EEA1: variants seen among roughly 807,000 people sequenced by gnomAD.
EEA1 encodes early endosome antigen 1.
Under a neutral mutation model 209.2 loss-of-function variants are expected in EEA1, and 111 were observed. The ratio of observed to expected loss-of-function variants is 0.53; its 90% CI spans 0.45 to 0.62. The LOEUF is 0.62. Among genes scored for constraint, EEA1 ranks in the 20% least tolerant of loss-of-function variants. EEA1 has a pLI of 0.00. For missense variants in EEA1, 1,343 were observed against 1,530.8 expected (o/e 0.88, Z 2.05); for synonymous variants, 536 against 540.6 (o/e 0.99, Z 0.12).
At chr12:92,844,500 A>C (rs926908022) in intron 9 of EEA1, among the ~76,000 whole-genome samples, 1 of 152,138 alleles carries the variant, frequency 6.6e-6, no homozygotes, top group Non-Finnish European at 1.5e-5. Context: ...AAAATGTTGA[A>C]ATATTCATGT....
intron 23 of EEA1, among the ~76,000 whole-genome samples, chr12:92,781,732 A>AAGC (rs397814414): frequency 2.6e-5 from 4 of 151,288 alleles, no homozygotes; most frequent in Non-Finnish European, 5.9e-5. Flanking sequence ...AAAACTAAAG[A>AAGC]GCAGTAAGAA....
chr12:92,799,549 G>C (rs1874808901), intron 20 of EEA1, among the ~76,000 whole-genome samples: 1 of 152,176 alleles, frequency 6.6e-6, no homozygotes, highest in Non-Finnish European at 1.5e-5. Context: ...CACTTTGGGA[G>C]GCTGAGGCGG....
Position 92,857,184 on chromosome 12 carries a change from G to T in EEA1, c.366+91C>A, listed in dbSNP as rs368178953. On this transcript the variant is annotated intron_variant, in intron 5 of 28. Transcript: ENST00000322349. ...ATTAGGAAGTTATTTATATCAGGCC[G>T]CCACCTGCTTGCAAAAAGGTATTAA... 1.4e-5 allele frequency: 13 copies of T among 896,942 alleles called. No individual in the cohort carries two copies. The East Asian group carries it at 1.7e-4, about 12-fold the overall frequency. The allele number at this position is 896,942 out of a possible 1,614,324, so 55.6% of individuals were successfully genotyped here.
At chr12:92,863,820 A>T (rs892339838) in intron 3 of EEA1, among the ~76,000 whole-genome samples, 3 of 152,348 alleles carry the variant, frequency 2.0e-5, no homozygotes, top group Non-Finnish European at 4.4e-5. Context: ...CTAAATGAAA[A>T]GTTAAGAAGA....
intron 1 of EEA1, among the ~76,000 whole-genome samples, chr12:92,910,482 T>A (rs866799611): frequency 1.8e-4 from 27 of 150,326 alleles, no homozygotes; most frequent in Non-Finnish European, 2.5e-4. Context: ...AAAAAATAAA[T>A]AAATAAACTC....
chr12:92,865,774 C>G (rs1161688335), intron 2 of EEA1, among the ~76,000 whole-genome samples: 5 of 149,644 alleles, frequency 3.3e-5, no homozygotes, highest in Admixed American at 2.7e-4. Flanking sequence ...GAGAATGAGT[C>G]TCGCTCCGTC....
chr12:92,815,470 C>T (rs934818389), intron 15 of EEA1, among the ~76,000 whole-genome samples: 1 of 152,166 alleles, frequency 6.6e-6, no homozygotes. Flanking sequence ...AATGTATATT[C>T]TCTCCAAGTT....
chr12:92,852,354 C>T (rs1877669714), intron 7 of EEA1, 58 bp from the exon 8 acceptor site: 2 of 1,238,952 alleles, frequency 1.6e-6, no homozygotes, highest in Non-Finnish European at 2.2e-6. Context: ...TTATAAGTTT[C>T]CATATATTAC....
intron 1 of EEA1, among the ~76,000 whole-genome samples, chr12:92,898,091 T>C (rs967589518): frequency 6.6e-5 from 10 of 152,310 alleles, no homozygotes; most frequent in African/African-American, 2.4e-4. Flanking sequence ...TATATACTTG[T>C]ATAATTTTTA....
At chr12:92,892,330 G>C (rs1054924160) in intron 1 of EEA1, among the ~76,000 whole-genome samples, 1 of 152,002 alleles carries the variant, frequency 6.6e-6, no homozygotes, top group Non-Finnish European at 1.5e-5. Context: ...GAGCTCAAAC[G>C]ATCTGCCCAC....
intron 21 of EEA1, 100 bp downstream of exon 21, chr12:92,798,792 C>G (rs1055933997): frequency 2.2e-6 from 2 of 905,160 alleles, no homozygotes; most frequent in African/African-American, 3.4e-5. Flanking sequence ...CTTATGTAAA[C>G]TTTTCAATGT....
chr12:92,846,079 T>C (rs1877377955), intron 9 of EEA1, among the ~76,000 whole-genome samples: 2 of 152,188 alleles, frequency 1.3e-5, no homozygotes, highest in South Asian at 4.1e-4. Context: ...TGTTTTAATA[T>C]GCTACAACTA....
intron 2 of EEA1, chr12:92,884,547 A>G: frequency 4.7e-6 from 7 of 1,499,500 alleles, no homozygotes; most frequent in Non-Finnish European, 6.4e-6. Context: ...TACAACAATC[A>G]GTCTTCAAAT....
At chr12:92,811,806 TAC>T (rs1875525937) in intron 16 of EEA1, among the ~76,000 whole-genome samples, 1 of 151,904 alleles carries the variant, frequency 6.6e-6, no homozygotes, top group African/African-American at 2.4e-5. Context: ...TTAAAAATAT[TAC>T]AGTGTTTACA....
chr12:92,886,543 G>A (rs1333481604), intron 2 of EEA1, among the ~76,000 whole-genome samples: 1 of 67,088 alleles, frequency 1.5e-5, no homozygotes, highest in African/African-American at 6.3e-5. Context: ...GGAGGGAGAG[G>A]AGGGGAGGGA....
intron 5 of EEA1, among the ~76,000 whole-genome samples, chr12:92,855,469 T>C (rs1477570202): frequency 6.9e-6 from 1 of 145,188 alleles, no homozygotes; most frequent in Admixed American, 6.9e-5. Flanking sequence ...AAACTATCAC[T>C]ACTAAAAAAA....
rs1326119262 is a variant in EEA1 at position 92,837,353 on chromosome 12, C to T, written c.916-4503G>A. 2.0e-5 allele frequency among the ~76,000 whole-genome samples: 3 copies of T among 152,206 alleles called. No homozygotes were observed. In the East Asian group the frequency reaches 5.8e-4, roughly 29 times the overall value. On this transcript the variant is annotated intron_variant, in intron 10 of 28. Coordinates refer to ENST00000322349, the MANE Select transcript of EEA1 (RefSeq NM_003566.4). ...TTTAAGAATGCCTGTGACTACTGCA[C>T]TATACTGTTCTTATCAATATACCAC... is the stretch of plus-strand genomic sequence containing the variant.
At chr12:92,789,309 AAAAGAAAAAGAG>A (rs1195043009) in intron 21 of EEA1, among the ~76,000 whole-genome samples, 179 of 151,500 alleles carry the variant, frequency 1.2e-3, no homozygotes, top group African/African-American at 4.2e-3. Flanking sequence ...AGAAAGAAAG[AAAAGAAAAAGAG>A]AAAGAAAAGA....
At chr12:92,865,876 G>C (rs1592745615) in intron 2 of EEA1, among the ~76,000 whole-genome samples, 1 of 151,574 alleles carries the variant, frequency 6.6e-6, no homozygotes, top group South Asian at 2.1e-4. Context: ...GCCTCCCGAG[G>C]AGCTGGGATT....
Sources: gnomAD v4.1 joint callset for allele counts (sites outside exome capture counted in the v4.1 genomes callset) on GRCh38, gnomAD v4.1.1 for gene constraint, MANE v1.5 for transcripts, NCBI Gene and HGNC (gene_info 2026-07-23, HGNC 2026-07-21) for gene names.